GPC5: variants seen among roughly 807,000 people sequenced by gnomAD.
GPC5 encodes glypican-5.
A neutral mutation model predicts 53.9 loss-of-function variants in GPC5; 47 were observed. That is an observed-to-expected ratio of 0.87 (90% confidence interval 0.69 to 1.11). The LOEUF is 1.11. GPC5 is among the 50% of genes most tolerant of loss of function. The probability of loss-of-function intolerance (pLI) is 0.00; values close to 1 mark genes in which losing one functional copy is unlikely to be tolerated. For synonymous variants in GPC5, 286 were observed against 263.3 expected, an observed-to-expected ratio of 1.09 and a Z score of -0.84; for missense variants, 748 against 713.1, an observed-to-expected ratio of 1.05 and a Z score of -0.56.
chr13:92,175,259 C>G (rs1301817699), intron 7 of GPC5, among the ~76,000 whole-genome samples: 1 of 152,056 alleles, frequency 6.6e-6, no homozygotes, highest in South Asian at 2.1e-4. Flanking sequence ...AATGGTGACC[C>G]TGTATGTTTG....
intron 3 of GPC5, among the ~76,000 whole-genome samples, chr13:91,702,172 C>T (rs2036007410): frequency 1.3e-5 from 2 of 151,986 alleles, no homozygotes; most frequent in Non-Finnish European, 2.9e-5. Context: ...TGTTTGAGTT[C>T]CTTATGTATT....
chr13:92,248,127 G>A (rs1369369830), intron 7 of GPC5, among the ~76,000 whole-genome samples: 2 of 151,986 alleles, frequency 1.3e-5, no homozygotes, highest in East Asian at 3.9e-4. Flanking sequence ...ATATGGACAT[G>A]AGGGAGATCT....
At chr13:92,692,101 C>T (rs905540486) in intron 7 of GPC5, among the ~76,000 whole-genome samples, 1 of 152,128 alleles carries the variant, frequency 6.6e-6, no homozygotes, top group Non-Finnish European at 1.5e-5. Context: ...ATGTTTAGCT[C>T]CCACTTACAA....
chr13:91,737,569 T>C (rs1175875676), intron 4 of GPC5, among the ~76,000 whole-genome samples: 1 of 151,422 alleles, frequency 6.6e-6, no homozygotes, highest in Non-Finnish European at 1.5e-5. Flanking sequence ...ATAAACACTA[T>C]TCTATGTTTG....
At chr13:92,244,615 A>G (rs2042636904) in intron 7 of GPC5, among the ~76,000 whole-genome samples, 1 of 152,152 alleles carries the variant, frequency 6.6e-6, no homozygotes, top group Admixed American at 6.5e-5. Context: ...TCTGAAACAT[A>G]GGTGTTTGTT....
At chr13:91,711,183 T>C (rs150721809) in intron 3 of GPC5, among the ~76,000 whole-genome samples, 2,001 of 152,210 alleles carry the variant, frequency 0.013, 34 homozygotes, top group African/African-American at 0.046. Context: ...CTATTCACAA[T>C]AGCAAAGACT....
intron 7 of GPC5, among the ~76,000 whole-genome samples, chr13:92,372,890 T>C (rs1199400640): frequency 6.6e-6 from 1 of 152,174 alleles, no homozygotes; most frequent in East Asian, 1.9e-4. Flanking sequence ...CTGTATTATG[T>C]TATAGAACAA....
intron 5 of GPC5, among the ~76,000 whole-genome samples, chr13:91,879,000 G>C (rs552887045): frequency 6.6e-6 from 1 of 152,072 alleles, no homozygotes; most frequent in Non-Finnish European, 1.5e-5. Context: ...CAGAAGATTT[G>C]TCTCTCTCTA....
intron 7 of GPC5, among the ~76,000 whole-genome samples, chr13:92,476,073 C>G (rs978558558): frequency 3.3e-5 from 5 of 152,016 alleles, no homozygotes; most frequent in Admixed American, 6.6e-5. Flanking sequence ...AGCTTCTGCA[C>G]AGCAAAAGAA....
intron 5 of GPC5, among the ~76,000 whole-genome samples, chr13:91,760,925 A>T (rs1161921088): frequency 6.6e-6 from 1 of 152,226 alleles, no homozygotes; most frequent in Non-Finnish European, 1.5e-5. Flanking sequence ...TGCAACACTG[A>T]GGTCAACAGT....
At chr13:92,161,961 A>G (rs1224593572) in intron 7 of GPC5, among the ~76,000 whole-genome samples, 2 of 29,896 alleles carry the variant, frequency 6.7e-5, no homozygotes, top group Non-Finnish European at 1.2e-4. Context: ...ATAGCCATAT[A>G]TATATATATA....
At chr13:91,419,723 C>A (rs766552427) in intron 1 of GPC5, among the ~76,000 whole-genome samples, 1 of 151,970 alleles carries the variant, frequency 6.6e-6, no homozygotes, top group African/African-American at 2.4e-5. Flanking sequence ...GGTAACAAGA[C>A]GTATTAGATT....
intron 6 of GPC5, among the ~76,000 whole-genome samples, chr13:92,140,753 T>A (rs1362079058): frequency 6.6e-6 from 1 of 152,172 alleles, no homozygotes; most frequent in Non-Finnish European, 1.5e-5. Context: ...TAATGGCCCC[T>A]GTAATGAGGG....
intron 7 of GPC5, among the ~76,000 whole-genome samples, chr13:92,299,105 G>T (rs2043058317): frequency 6.6e-6 from 1 of 152,236 alleles, no homozygotes; most frequent in South Asian, 2.1e-4. Flanking sequence ...ATTGTAAAGA[G>T]TGCCTTTAAG....
At position 92,663,846 on chromosome 13, in the gene GPC5, C is replaced by T. The variant is rs9561101; in HGVS notation, c.1562-202436C>T. On this transcript the variant is annotated intron_variant, in intron 7 of 7. Transcript: ENST00000377067. ...TATATACACACACTATATATATATACACACACACACTATATATATATATAT... is the reference window on the plus strand; with the variant it reads ...TATATACACACACTATATATATATATACACACACACTATATATATATATAT... 1.4e-3 allele frequency among the ~76,000 whole-genome samples: 164 copies of T among 115,698 alleles called. 4 individuals carry two copies. The highest frequency in any genetic ancestry group is 4.7e-3 in the African/African-American group (135 of 28,940). The allele number at this position is 115,698 out of a possible 152,430, so 75.9% of individuals were successfully genotyped here. A position where few individuals can be genotyped will look rare whatever the true frequency, so the allele number is the denominator to read the frequency against.
At chr13:91,469,697 T>C (rs1234526218) in intron 2 of GPC5, among the ~76,000 whole-genome samples, 1 of 152,184 alleles carries the variant, frequency 6.6e-6, no homozygotes, top group East Asian at 1.9e-4. Flanking sequence ...TTTACTGCAC[T>C]CAGAATTTTG....
chr13:92,552,017 A>G (rs1163133092), intron 7 of GPC5, among the ~76,000 whole-genome samples: 1 of 151,942 alleles, frequency 6.6e-6, no homozygotes, highest in Non-Finnish European at 1.5e-5. Flanking sequence ...TTACTGTGCT[A>G]ATAATGTAAA....
chr13:91,626,454 G>A (rs928999355), intron 2 of GPC5, among the ~76,000 whole-genome samples: 3 of 151,984 alleles, frequency 2.0e-5, no homozygotes, highest in East Asian at 1.9e-4. Context: ...TCTTGTGAAG[G>A]TCAAATGGCT....
chr13:91,558,689 A>G (rs928221652), intron 2 of GPC5, among the ~76,000 whole-genome samples: 1 of 151,826 alleles, frequency 6.6e-6, no homozygotes, highest in Non-Finnish European at 1.5e-5. Flanking sequence ...CTTGAGGACA[A>G]TTTTCTAGAG....
Sources: gnomAD v4.1 joint callset for allele counts (sites outside exome capture counted in the v4.1 genomes callset) on GRCh38, gnomAD v4.1.1 for gene constraint, MANE v1.5 for transcripts, NCBI Gene and HGNC (gene_info 2026-07-23, HGNC 2026-07-21) for gene names.